Variants in ADGRB3 observed in about 807,000 individuals in gnomAD.
The protein encoded by ADGRB3 is brain-specific angiogenesis inhibitor 3.
ADGRB3 carries 37 observed loss-of-function variants against 193.4 expected under a neutral mutation model. That is an observed-to-expected ratio of 0.19 (90% CI 0.15 to 0.25). The LOEUF is 0.25. ADGRB3 is among the 10% of genes least tolerant of loss of function. The probability of loss-of-function intolerance (pLI) is 1.00; values close to 1 mark genes in which losing one functional copy is unlikely to be tolerated. For synonymous variants in ADGRB3, 690 were observed against 644.2 expected (o/e 1.07, Z -1.08); for missense variants, 1,637 against 1,852.9 (o/e 0.88, Z 2.14).
At chr6:68,867,889 G>T (rs916284046) in intron 3 of ADGRB3, among the ~76,000 whole-genome samples, 1 of 152,268 alleles carries the variant, frequency 6.6e-6, no homozygotes, top group East Asian at 1.9e-4. Flanking sequence ...TTTACCCAGC[G>T]CCTGTACTCC....
At chr6:69,382,506 G>T (rs1463175273) in intron 30 of ADGRB3, among the ~76,000 whole-genome samples, 2 of 151,852 alleles carry the variant, frequency 1.3e-5, no homozygotes, top group African/African-American at 4.8e-5. Flanking sequence ...TTAAAAATAT[G>T]ATAACAGTTT....
chr6:68,660,033 T>A (rs1354091707), intron 3 of ADGRB3, among the ~76,000 whole-genome samples: 1 of 150,972 alleles, frequency 6.6e-6, no homozygotes, highest in East Asian at 1.9e-4. Flanking sequence ...TTAATATAAA[T>A]GTGACAAAGA....
chr6:69,333,505 T>C (rs1471005254), intron 24 of ADGRB3, among the ~76,000 whole-genome samples: 3 of 152,188 alleles, frequency 2.0e-5, no homozygotes, highest in African/African-American at 4.8e-5. Context: ...TTAGGTCTTA[T>C]ATTTTCATTC....
intron 17 of ADGRB3, chr6:69,232,707 T>A (rs1766170025): frequency 7.8e-7 from 1 of 1,289,232 alleles, no homozygotes; most frequent in African/African-American, 1.5e-5. Flanking sequence ...TGCTGCTGCT[T>A]CCCGTTTCCA....
chr6:69,175,735 G>T (rs1464623121), intron 17 of ADGRB3, among the ~76,000 whole-genome samples: 3 of 152,192 alleles, frequency 2.0e-5, no homozygotes. Context: ...AAGCAGTATG[G>T]CCATTATAGT....
chr6:69,229,954 C>T (rs192190091), intron 17 of ADGRB3, among the ~76,000 whole-genome samples: 84 of 152,180 alleles, frequency 5.5e-4, no homozygotes, highest in African/African-American at 2.0e-3. Flanking sequence ...CTTTTGAATA[C>T]TTGGGACAGG....
chr6:68,883,774 G>A (rs1176598645), intron 3 of ADGRB3, among the ~76,000 whole-genome samples: 3 of 152,186 alleles, frequency 2.0e-5, no homozygotes, highest in Admixed American at 6.5e-5. Flanking sequence ...TTATAGAACT[G>A]TAACACTCAC....
chr6:69,215,130 T>C (rs770551444), intron 17 of ADGRB3, among the ~76,000 whole-genome samples: 2 of 152,130 alleles, frequency 1.3e-5, no homozygotes, highest in Non-Finnish European at 2.9e-5. Context: ...GGAGATAACA[T>C]GGCAATGCAG....
In ADGRB3 at chr6:69,361,141, A is replaced by G. The variant is rs1427908110; in HGVS notation, c.3868A>G (p.Arg1290Gly). ...TVYLCTDDNL[R>G]GADMDIVHPQ... ...GTACTTATGTACGGATGATAATTTG[A>G]GAGGGGCTGACATGGACATAGTCCA... is the stretch of plus-strand genomic sequence containing the variant. The change falls in exon 29 of 32, where the codon AGA (arginine) becomes GGA (glycine). Residue 1290 changes from arginine to glycine, a missense_variant. Transcript: ENST00000370598. 4.3e-6 allele frequency: 7 copies of G among 1,612,764 alleles called. No individual in the cohort carries two copies. The highest frequency in any genetic ancestry group is 1.6e-4 in the Middle Eastern group (1 of 6,080).
At chr6:69,356,357 CTGGGGTTAT>C (rs1769337192) in intron 28 of ADGRB3, among the ~76,000 whole-genome samples, 2 of 152,026 alleles carry the variant, frequency 1.3e-5, no homozygotes, top group Admixed American at 1.3e-4. Flanking sequence ...ATTCATAGGA[CTGGGGTTAT>C]TGAGAAATCA....
At position 69,382,388 on chromosome 6, in the gene ADGRB3, C is replaced by G. The variant is rs548169148; in HGVS notation, c.4276-443C>G. On this transcript the variant is annotated intron_variant, in intron 30 of 31. Coordinates refer to ENST00000370598, the MANE Select transcript of ADGRB3 (RefSeq NM_001704.3). ...TTGGGATTTTGTTCCCACTTTAGTA[C>G]AGCCAGCTAGGATTTTAGTGTTTAT... is the stretch of plus-strand genomic sequence containing the variant. 3.2e-4 allele frequency among the ~76,000 whole-genome samples: 49 copies of G among 151,980 alleles called. No homozygotes were observed. In the South Asian group the frequency reaches 3.5e-3, roughly 11 times the overall value.
chr6:68,706,039 C>G (rs529118872), intron 3 of ADGRB3, among the ~76,000 whole-genome samples: 1 of 152,228 alleles, frequency 6.6e-6, no homozygotes, highest in South Asian at 2.1e-4. Flanking sequence ...GGGGCATTCT[C>G]TCTAAACTGA....
chr6:68,814,647 A>T (rs1016675025), intron 3 of ADGRB3, among the ~76,000 whole-genome samples: 29 of 152,230 alleles, frequency 1.9e-4, no homozygotes, highest in African/African-American at 6.7e-4. Flanking sequence ...GAGGCCAGCA[A>T]CATTCTGATA....
At chr6:69,333,615 T>C (rs1768774054) in intron 24 of ADGRB3, among the ~76,000 whole-genome samples, 1 of 151,650 alleles carries the variant, frequency 6.6e-6, no homozygotes, top group African/African-American at 2.4e-5. Context: ...AATTTTACTG[T>C]TATTATAATA....
chr6:69,232,080 G>A (rs967071222), intron 17 of ADGRB3, among the ~76,000 whole-genome samples: 10 of 152,298 alleles, frequency 6.6e-5, no homozygotes, highest in African/African-American at 2.4e-4. Context: ...ATCAAGCCAT[G>A]TGTTTTTCTC....
At chr6:68,646,104 A>C (rs1394262904) in intron 3 of ADGRB3, among the ~76,000 whole-genome samples, 2 of 152,214 alleles carry the variant, frequency 1.3e-5, no homozygotes, top group African/African-American at 4.8e-5. Context: ...AATATTAAAA[A>C]TTGTTTATCA....
intron 6 of ADGRB3, among the ~76,000 whole-genome samples, chr6:68,945,854 A>G (rs1012264019): frequency 6.6e-6 from 1 of 152,152 alleles, no homozygotes; most frequent in Admixed American, 6.6e-5. Context: ...GTGGAACTTT[A>G]TCACTCAAGT....
chr6:69,320,809 G>A (rs1398889617), intron 20 of ADGRB3, among the ~76,000 whole-genome samples: 1 of 139,600 alleles, frequency 7.2e-6, no homozygotes, highest in African/African-American at 2.7e-5. Flanking sequence ...AAGTATATGT[G>A]CTTGTGCATG....
intron 20 of ADGRB3, among the ~76,000 whole-genome samples, chr6:69,304,925 C>A (rs1198182382): frequency 2.0e-5 from 3 of 151,506 alleles, no homozygotes; most frequent in African/African-American, 7.3e-5. Context: ...CTGTAATTTT[C>A]AAACATTTAG....
Sources: gnomAD v4.1 joint callset for allele counts (sites outside exome capture counted in the v4.1 genomes callset) on GRCh38, gnomAD v4.1.1 for gene constraint, MANE v1.5 for transcripts, NCBI Gene and HGNC (gene_info 2026-07-23, HGNC 2026-07-21) for gene names.